Variants in DENND1B observed in about 807,000 individuals in gnomAD.
DENND1B encodes the protein DENN domain-containing protein 1B.
DENND1B carries 59 observed loss-of-function variants against 90.1 expected under a neutral mutation model. That is an observed-to-expected ratio of 0.65 (90% CI 0.53 to 0.81). DENND1B has a LOEUF of 0.81. DENND1B is among the 40% of genes least tolerant of loss of function. The pLI is 0.00. For missense variants in DENND1B, 862 were observed against 912.6 expected (o/e 0.94, Z 0.71); for synonymous variants, 337 against 324.6 (o/e 1.04, Z -0.41).
At chr1:197,612,568 C>T (rs1677279615) in intron 11 of DENND1B, among the ~76,000 whole-genome samples, 1 of 150,552 alleles carries the variant, frequency 6.6e-6, no homozygotes, top group Non-Finnish European at 1.5e-5. Flanking sequence ...ACTGTGCTAT[C>T]TTTCCCCTCA....
At chr1:197,577,016 T>C (rs1236664690) in intron 15 of DENND1B, among the ~76,000 whole-genome samples, 1 of 152,152 alleles carries the variant, frequency 6.6e-6, no homozygotes, top group Admixed American at 6.5e-5. Context: ...ATGAGGCTCT[T>C]GGATTGACAC....
At chr1:197,598,533 CT>C (rs1558288770) in intron 13 of DENND1B, among the ~76,000 whole-genome samples, 1 of 151,706 alleles carries the variant, frequency 6.6e-6, no homozygotes, top group Non-Finnish European at 1.5e-5. Context: ...CTGTCCTGTA[CT>C]TTTTAATACC....
chr1:197,743,022 C>G lies in DENND1B; in HGVS notation c.83-27948G>C, dbSNP rs141310010. Reference sequence around the variant, plus strand: ...AGACAATTCCAGGGGTCTCTCACTTCACTTCACTTCTTTAGAGCCCAGATA... The same window carrying G: ...AGACAATTCCAGGGGTCTCTCACTTGACTTCACTTCTTTAGAGCCCAGATA... On this transcript the variant is annotated intron_variant, in intron 2 of 22. Coordinates refer to ENST00000620048, the MANE Select transcript of DENND1B (RefSeq NM_001195215.2). 8.8e-4 allele frequency among the ~76,000 whole-genome samples: 134 copies of G among 152,320 alleles called. 1 individual carries two copies. The highest frequency in any genetic ancestry group is 1.7e-3 in the South Asian group (8 of 4,814).
At chr1:197,713,972 T>TAGA (rs1660362848) in intron 3 of DENND1B, among the ~76,000 whole-genome samples, 1 of 93,928 alleles carries the variant, frequency 1.1e-5, no homozygotes, top group Admixed American at 1.1e-4. Flanking sequence ...ATATCACCCA[T>TAGA]ATATATGTAT....
intron 18 of DENND1B, among the ~76,000 whole-genome samples, chr1:197,544,932 GAA>G (rs375313049): frequency 0.12 from 89 of 744 alleles, 4 homozygotes; most frequent in Non-Finnish European, 0.21. Flanking sequence ...GAAAAGAGAA[GAA>G]GAAGAAGGGA....
At chr1:197,613,161 C>G (rs1040723483) in intron 11 of DENND1B, among the ~76,000 whole-genome samples, 26 of 150,816 alleles carry the variant, frequency 1.7e-4, no homozygotes, top group African/African-American at 5.8e-4. Flanking sequence ...GTCCAAATTT[C>G]TGTGTGTTCA....
intron 15 of DENND1B, among the ~76,000 whole-genome samples, chr1:197,576,687 T>C (rs1357628157): frequency 1.3e-5 from 2 of 152,120 alleles, no homozygotes; most frequent in East Asian, 1.9e-4. Context: ...GCCACCCCCT[T>C]ATACTCTTTA....
intron 13 of DENND1B, among the ~76,000 whole-genome samples, chr1:197,598,316 T>C (rs1675893021): frequency 6.6e-6 from 1 of 151,774 alleles, no homozygotes; most frequent in Admixed American, 6.6e-5. Context: ...CATGGGCAAA[T>C]GAATGCTCAA....
chr1:197,688,876 T>TA (rs901810971), intron 3 of DENND1B: 1 of 214,028 alleles, frequency 4.7e-6, no homozygotes, highest in African/African-American at 2.3e-5. Context: ...AAAGAACCAT[T>TA]AAAAAATGTG....
At chr1:197,630,384 G>A (rs1400077505) in intron 10 of DENND1B, among the ~76,000 whole-genome samples, 7 of 151,994 alleles carry the variant, frequency 4.6e-5, no homozygotes, top group Non-Finnish European at 1.0e-4. Context: ...ATCCTCACAC[G>A]GCAGGAGGGA....
At chr1:197,523,915 T>C (rs372686548) in intron 20 of DENND1B, among the ~76,000 whole-genome samples, 2 of 151,418 alleles carry the variant, frequency 1.3e-5, no homozygotes, top group South Asian at 4.2e-4. Flanking sequence ...ACAACATGCA[T>C]GAATAGATGG....
At chr1:197,755,667 C>T (rs1304102798) in intron 2 of DENND1B, among the ~76,000 whole-genome samples, 2 of 152,148 alleles carry the variant, frequency 1.3e-5, no homozygotes, top group African/African-American at 4.8e-5. Flanking sequence ...CGAGACTGGG[C>T]AATTTACAAA....
chr1:197,674,057 T>G, intron 4 of DENND1B, 63 bp downstream of exon 4: 1 of 1,134,082 alleles, frequency 8.8e-7, no homozygotes. Context: ...AAAGCACATG[T>G]AATCATTTTC....
intron 15 of DENND1B, among the ~76,000 whole-genome samples, chr1:197,554,736 A>T (rs1671560482): frequency 1.4e-5 from 2 of 144,938 alleles, no homozygotes; most frequent in Admixed American, 7.4e-5. Context: ...CAGCTACTCA[A>T]GTGGCTGAGG....
intron 2 of DENND1B, among the ~76,000 whole-genome samples, chr1:197,726,909 A>T (rs561940984): frequency 6.6e-6 from 1 of 152,336 alleles, no homozygotes; most frequent in African/African-American, 2.4e-5. Flanking sequence ...AACTATAATA[A>T]TAAAATGAAC....
chr1:197,646,164 A>G (rs1222728195), intron 8 of DENND1B, among the ~76,000 whole-genome samples: 2 of 151,962 alleles, frequency 1.3e-5, no homozygotes, highest in Non-Finnish European at 2.9e-5. Context: ...TGGAAAAATT[A>G]AAGCTTGCTA....
chr1:197,575,940 G>A (rs942134796), intron 15 of DENND1B, among the ~76,000 whole-genome samples: 1 of 152,118 alleles, frequency 6.6e-6, no homozygotes, highest in Non-Finnish European at 1.5e-5. Flanking sequence ...GGCAGGTAGG[G>A]GCCTGGGGGA....
rs186250309 is a variant in DENND1B at position 197,609,910 on chromosome 1, T to C, written c.819+2021A>G. Among the ~76,000 whole-genome samples, 50 of 150,854 alleles carry C rather than the reference T, an allele frequency of 3.3e-4. 1 individual carries two copies. In the East Asian group the frequency reaches 8.2e-3, roughly 25 times the overall value. The stretch of plus-strand genomic sequence containing the variant: ...CTAAATATGTAAATAGCTGTATCAA[T>C]ATTTTAATTATGAGACCATTTTGGT... On this transcript the variant is annotated intron_variant, in intron 12 of 22. Coordinates refer to ENST00000620048, the MANE Select transcript of DENND1B (RefSeq NM_001195215.2).
chr1:197,684,353 A>G (rs956197124), intron 3 of DENND1B, among the ~76,000 whole-genome samples: 2 of 152,186 alleles, frequency 1.3e-5, no homozygotes, highest in African/African-American at 4.8e-5. Context: ...CAAAGCCTGA[A>G]GCTTCAAACC....
Sources: allele counts gnomAD v4.1 joint callset (sites outside exome capture counted in the v4.1 genomes callset), GRCh38; gene constraint gnomAD v4.1.1; transcripts MANE v1.5; gene names NCBI Gene and HGNC (gene_info 2026-07-23, HGNC 2026-07-21).